ABCG1: variants seen among roughly 807,000 people sequenced by gnomAD.
ABCG1 encodes the protein ATP binding cassette subfamily G member 1.
Under a neutral mutation model 69.2 loss-of-function variants are expected in ABCG1, and 29 were observed. The ratio of observed to expected loss-of-function variants is 0.42; its 90% CI spans 0.31 to 0.57. The LOEUF (loss-of-function observed/expected upper bound fraction) is 0.57. Ranked by LOEUF, ABCG1 falls within the 20% of genes least tolerant of loss-of-function variation. The pLI, the probability that ABCG1 is intolerant of heterozygous loss-of-function variation, is 0.15. For missense variants in ABCG1, 718 were observed against 898.1 expected (o/e 0.80, Z 2.56); for synonymous variants, 370 against 374.8 (o/e 0.99, Z 0.15).
In ABCG1 at chr21:42,239,238, G is replaced by A. The variant is rs371032714; in HGVS notation, c.286+13324G>A. 9.2e-5 allele frequency among the ~76,000 whole-genome samples: 14 copies of A among 152,262 alleles called. 1 individual carries two copies. The highest frequency in any genetic ancestry group is 2.0e-4 in the Admixed American group (3 of 15,298). ...CAACTGGGTGACTTACCCCTCCTGTGAAAAGGAAATATTAATAATAAAAAT... is the reference window on the plus strand; with the variant it reads ...CAACTGGGTGACTTACCCCTCCTGTAAAAAGGAAATATTAATAATAAAAAT... On this transcript the variant is annotated intron_variant, in intron 2 of 14. Transcript: ENST00000398449.
At chr21:42,258,093 T>A (rs2068339124) in intron 2 of ABCG1, among the ~76,000 whole-genome samples, 1 of 74,052 alleles carries the variant, frequency 1.4e-5, no homozygotes, top group African/African-American at 6.9e-5. Flanking sequence ...CCTTCCACAC[T>A]TTTCCCCATC....
intron 2 of ABCG1, among the ~76,000 whole-genome samples, chr21:42,265,111 G>A (rs551055722): frequency 1.1e-4 from 16 of 152,308 alleles, no homozygotes; most frequent in Middle Eastern, 3.4e-3. Context: ...GGGGTTCATA[G>A]GAGCTGCAGC....
At chr21:42,256,133 C>T (rs1194446799) in intron 2 of ABCG1, 7 of 1,381,148 alleles carry the variant, frequency 5.1e-6, no homozygotes, top group Non-Finnish European at 6.6e-6. Flanking sequence ...CAAGCCTCTC[C>T]CTGTCTTGTG....
chr21:42,263,263 A>T (rs2068443919), intron 2 of ABCG1, among the ~76,000 whole-genome samples: 1 of 152,154 alleles, frequency 6.6e-6, no homozygotes, highest in Admixed American at 6.5e-5. Flanking sequence ...AGGTGCCTTG[A>T]CTTTTCCATG....
At chr21:42,213,292 G>A (rs527504384), upstream of ABCG1, among the ~76,000 whole-genome samples, 3 of 152,362 alleles carry the variant, frequency 2.0e-5, no homozygotes, top group South Asian at 4.1e-4. Flanking sequence ...GCAGGACCTC[G>A]GCACCTGCTG....
intron 6 of ABCG1, among the ~76,000 whole-genome samples, chr21:42,283,360 C>T (rs541118140): frequency 8.5e-5 from 13 of 152,124 alleles, no homozygotes; most frequent in Non-Finnish European, 1.6e-4. Flanking sequence ...GGGTGGGCTC[C>T]GGGGGACTGC....
chr21:42,289,184 G>A (rs745979139), intron 10 of ABCG1, among the ~76,000 whole-genome samples: 27 of 152,132 alleles, frequency 1.8e-4, no homozygotes, highest in African/African-American at 5.3e-4. Flanking sequence ...CATAATGTAC[G>A]TGTCTCCCTC....
chr21:42,237,653 G>T (rs1454225216), intron 2 of ABCG1, among the ~76,000 whole-genome samples: 2 of 152,250 alleles, frequency 1.3e-5, no homozygotes, highest in African/African-American at 4.8e-5. Flanking sequence ...CAGTAGAAGA[G>T]CCTATACTTT....
At chr21:42,228,705 T>C (rs1365016736) in intron 2 of ABCG1, among the ~76,000 whole-genome samples, 1 of 152,154 alleles carries the variant, frequency 6.6e-6, no homozygotes, top group African/African-American at 2.4e-5. Context: ...GAAGCAGAGC[T>C]CTTCCTGGAG....
intron 13 of ABCG1, among the ~76,000 whole-genome samples, chr21:42,293,072 C>CTCACACCACACT (rs1555965164): frequency 1.4e-5 from 1 of 72,700 alleles, no homozygotes; most frequent in Non-Finnish European, 2.6e-5. Context: ...CCACACTACA[C>CTCACACCACACT]ACACACCACA....
intron 2 of ABCG1, among the ~76,000 whole-genome samples, chr21:42,245,316 T>C (rs2068115642): frequency 6.6e-6 from 1 of 152,206 alleles, no homozygotes; most frequent in South Asian, 2.1e-4. Flanking sequence ...AAGGAACCTG[T>C]TGGGTTGTGG....
intron 2 of ABCG1, among the ~76,000 whole-genome samples, chr21:42,244,914 G>A (rs55985526): frequency 0.034 from 5,157 of 152,336 alleles, 296 homozygotes; most frequent in African/African-American, 0.11. Flanking sequence ...GACTTGGCTG[G>A]AGCCATCCGT....
At chr21:42,221,554 T>C (rs149745454) in intron 1 of ABCG1, among the ~76,000 whole-genome samples, 14 of 152,310 alleles carry the variant, frequency 9.2e-5, no homozygotes, top group African/African-American at 3.1e-4. Context: ...GGAGGTGTTC[T>C]GGGATTCCAA....
At position 42,243,292 on chromosome 21, in the gene ABCG1, G is replaced by A. The variant is rs375741011; in HGVS notation, c.286+17378G>A. ...GGAGAGTTAAAGCTCATGTCCTCCA[G>A]GGTACCTTCCTCGGGGGTGGTGGAC... On this transcript the variant is annotated intron_variant, in intron 2 of 14. Transcript: ENST00000398449. Among the ~76,000 whole-genome samples, 14 of 152,290 alleles carry A rather than the reference G, an allele frequency of 9.2e-5. 1 individual carries two copies. The highest frequency in any genetic ancestry group is 2.0e-4 in the Admixed American group (3 of 15,308).
Position 42,219,215 on chromosome 21 carries a change from C to A in ABCG1, c.-48C>A. 1 of 1,478,634 alleles carries A rather than the reference C, an allele frequency of 6.8e-7. No individual in the cohort carries two copies. Among genetic ancestry groups the A allele is most frequent in the Middle Eastern group, 1.8e-4 (1 of 5,534 alleles). The allele number at this position is 1,478,634 out of a possible 1,614,324, so 91.6% of individuals were successfully genotyped here. A position where few individuals can be genotyped will look rare whatever the true frequency, so the allele number is the denominator to read the frequency against. ...CGCAGCCTCGGCCCCGCAGCTCAAG[C>A]CTCGTCCCCGCCGCCGCCGCCGCCG... On this transcript the variant is annotated 5_prime_UTR_variant, in exon 1 of 15. Transcript: ENST00000398449. The surrounding 1 kb of genome is among the most constrained non-coding windows in gnomAD (Gnocchi z 5.3).
intron 2 of ABCG1, chr21:42,256,688 C>A: frequency 7.0e-7 from 1 of 1,438,536 alleles, no homozygotes; most frequent in Non-Finnish European, 9.1e-7. Context: ...AGACTGATGG[C>A]TTCTCTGCAT....
chr21:42,232,162 A>T (rs2067910432), intron 2 of ABCG1, among the ~76,000 whole-genome samples: 1 of 152,164 alleles, frequency 6.6e-6, no homozygotes, highest in African/African-American at 2.4e-5. Flanking sequence ...GCTTTGAAAA[A>T]ATTTTGAGAA....
intron 7 of ABCG1, among the ~76,000 whole-genome samples, chr21:42,285,602 A>T (rs2068924601): frequency 6.6e-6 from 1 of 152,116 alleles, no homozygotes; most frequent in Non-Finnish European, 1.5e-5. Context: ...TAGCTCCAAA[A>T]TTTTTTCTGA....
upstream of ABCG1, among the ~76,000 whole-genome samples, chr21:42,217,374 C>T (rs1318289009): frequency 5.3e-5 from 8 of 152,230 alleles, no homozygotes; most frequent in East Asian, 9.7e-4. Context: ...GGCTGTGTTC[C>T]GTGCCTCCTC....
Sources: allele counts gnomAD v4.1 joint callset (sites outside exome capture counted in the v4.1 genomes callset), GRCh38; gene constraint gnomAD v4.1.1; non-coding constraint Gnocchi (gnomAD v3.1); transcripts MANE v1.5; gene names NCBI Gene and HGNC (gene_info 2026-07-23, HGNC 2026-07-21).